RSRC1: variants seen among roughly 807,000 people sequenced by gnomAD.
RSRC1 encodes arginine and serine rich coiled-coil 1, also known as serine/Arginine-related protein 53.
A neutral mutation model predicts 49.1 loss-of-function variants in RSRC1; 39 were observed. The ratio of observed to expected loss-of-function variants is 0.79; its 90% CI spans 0.61 to 1.04. The LOEUF (loss-of-function observed/expected upper bound fraction) is 1.04. Among genes scored for constraint, RSRC1 ranks in the 50% least tolerant of loss-of-function variants. The probability of loss-of-function intolerance (pLI) is 0.00; values close to 1 mark genes in which losing one functional copy is unlikely to be tolerated. For missense variants in RSRC1, 388 were observed against 402.4 expected, an observed-to-expected ratio of 0.96 and a Z score of 0.31; for synonymous variants, 143 against 130.8, an observed-to-expected ratio of 1.09 and a Z score of -0.63.
At chr3:158,448,586 C>A (rs887246521) in intron 6 of RSRC1, among the ~76,000 whole-genome samples, 3 of 151,860 alleles carry the variant, frequency 2.0e-5, no homozygotes, top group Non-Finnish European at 4.4e-5. Flanking sequence ...GCTTATGGTT[C>A]TAGCAGAAAA....
chr3:158,379,732 T>C (rs1732592748), intron 6 of RSRC1, among the ~76,000 whole-genome samples: 1 of 147,686 alleles, frequency 6.8e-6, no homozygotes, highest in African/African-American at 2.4e-5. Flanking sequence ...GCTTACTCTC[T>C]TGCCTCCTTC....
At chr3:158,340,417 T>C (rs1003800690) in intron 5 of RSRC1, among the ~76,000 whole-genome samples, 1 of 152,134 alleles carries the variant, frequency 6.6e-6, no homozygotes, top group East Asian at 1.9e-4. Flanking sequence ...GGCATGCACC[T>C]GTAGTCCTAG....
intron 1 of RSRC1, among the ~76,000 whole-genome samples, chr3:158,121,626 A>T (rs557473233): frequency 6.6e-6 from 1 of 152,304 alleles, no homozygotes; most frequent in African/African-American, 2.4e-5. Flanking sequence ...AAAAAAATTC[A>T]ACTCTAAGAT....
intron 4 of RSRC1, among the ~76,000 whole-genome samples, chr3:158,243,111 G>A (rs1196161675): frequency 6.6e-6 from 1 of 152,138 alleles, no homozygotes; most frequent in Non-Finnish European, 1.5e-5. Context: ...TCTTTGTCAT[G>A]AAATCTTTGC....
intron 6 of RSRC1, among the ~76,000 whole-genome samples, chr3:158,434,918 T>C (rs539924287): frequency 1.3e-5 from 2 of 152,096 alleles, no homozygotes; most frequent in East Asian, 3.9e-4. Context: ...TGAAAGTACA[T>C]TCTGGAGTAA....
At chr3:158,129,880 C>G (rs1230384598) in intron 3 of RSRC1, among the ~76,000 whole-genome samples, 1 of 152,134 alleles carries the variant, frequency 6.6e-6, no homozygotes, top group Non-Finnish European at 1.5e-5. Context: ...GTATTGACAT[C>G]ATAGAATGTT....
intron 6 of RSRC1, among the ~76,000 whole-genome samples, chr3:158,421,151 G>A (rs571921067): frequency 6.6e-6 from 1 of 151,954 alleles, no homozygotes; most frequent in Non-Finnish European, 1.5e-5. Context: ...AGTCATATTA[G>A]AACCTTGGTA....
Position 158,318,913 on chromosome 3 carries a change from A to C in RSRC1, c.531+20838A>C, listed in dbSNP as rs576202350. 3.5e-4 allele frequency among the ~76,000 whole-genome samples: 54 copies of C among 152,290 alleles called. No individual in the cohort carries two copies. The South Asian group carries it at 0.01, about 29-fold the overall frequency. On this transcript the variant is annotated intron_variant, in intron 5 of 9. Coordinates refer to ENST00000611884, the MANE Select transcript of RSRC1 (RefSeq NM_001271838.2). ...TCTCTTTTCCTAGGACACATAAATAAGATTTGAAGTGGAGGAGGGCCTGGG... is the reference window on the plus strand; with the variant it reads ...TCTCTTTTCCTAGGACACATAAATACGATTTGAAGTGGAGGAGGGCCTGGG...
intron 4 of RSRC1, among the ~76,000 whole-genome samples, chr3:158,240,892 C>T (rs1429195915): frequency 6.6e-6 from 1 of 152,036 alleles, no homozygotes; most frequent in Non-Finnish European, 1.5e-5. Context: ...ATACAATATA[C>T]AATACAATAA....
chr3:158,543,135 G>A (rs1413022198), intron 8 of RSRC1, among the ~76,000 whole-genome samples, 200 bp from the exon 9 acceptor site: 1 of 151,474 alleles, frequency 6.6e-6, no homozygotes, highest in East Asian at 1.9e-4. Flanking sequence ...CCTAAATATA[G>A]TTATTCCTAA....
rs1420069105 is a variant in RSRC1 at position 158,537,217 on chromosome 3, A to G, written c.759+19A>G. The G allele has an allele frequency of 3.5e-6, 5 of 1,435,696 alleles. No homozygotes were observed. The highest frequency in any genetic ancestry group is 2.9e-5 in the African/African-American group (2 of 68,954). 88.9% of individuals were successfully genotyped at this position (1,435,696 alleles called of 1,614,324 possible). A position where few individuals can be genotyped will look rare whatever the true frequency, so the allele number is the denominator to read the frequency against. On this transcript the variant is annotated intron_variant, in intron 8 of 9. Transcript: ENST00000611884. ...CAAAAAGGTAAGTTTTTATCCACCC[A>G]TTATGAGTAAACCTTTGGATTCTAC...
At chr3:158,506,698 A>G (rs1474854101) in intron 7 of RSRC1, among the ~76,000 whole-genome samples, 1 of 151,778 alleles carries the variant, frequency 6.6e-6, no homozygotes, top group African/African-American at 2.4e-5. Flanking sequence ...GATGTAGACA[A>G]AAGGAAACCC....
intron 6 of RSRC1, among the ~76,000 whole-genome samples, chr3:158,359,066 G>T (rs1426123817): frequency 2.0e-5 from 3 of 151,932 alleles, no homozygotes; most frequent in Non-Finnish European, 4.4e-5. Flanking sequence ...GGTTTTTTAG[G>T]TGTATACCTA....
intron 3 of RSRC1, among the ~76,000 whole-genome samples, chr3:158,135,786 T>C (rs2108187488): frequency 6.6e-6 from 1 of 152,338 alleles, no homozygotes; most frequent in Non-Finnish European, 1.5e-5. Flanking sequence ...ATCTTTCCAA[T>C]GCTAGTCATA....
chr3:158,444,779 A>G (rs558528617), intron 6 of RSRC1, among the ~76,000 whole-genome samples: 109 of 152,344 alleles, frequency 7.2e-4, no homozygotes, highest in Admixed American at 9.2e-4. Context: ...GCTAATATCC[A>G]GAATCTACAA....
At chr3:158,355,917 A>G (rs1021381764) in intron 6 of RSRC1, among the ~76,000 whole-genome samples, 12 of 151,992 alleles carry the variant, frequency 7.9e-5, no homozygotes, top group Admixed American at 6.5e-4. Context: ...ACACACACAC[A>G]TATACACACG....
intron 5 of RSRC1, among the ~76,000 whole-genome samples, chr3:158,314,085 G>A (rs1728270094): frequency 1.3e-5 from 2 of 151,778 alleles, no homozygotes; most frequent in African/African-American, 4.8e-5. Flanking sequence ...ATTGAAAATT[G>A]TTGTTGTTGT....
At position 158,407,799 on chromosome 3, in the gene RSRC1, T is replaced by C. The variant is rs1277506947; in HGVS notation, c.583+52891T>C. On this transcript the variant is annotated intron_variant, in intron 6 of 9. Transcript: ENST00000611884. ...ACTTCTTTTATAGAATCTAAACTTA[T>C]ATTTGCATATTTTAGATTTTAAGAA... Among the ~76,000 whole-genome samples, 5 of 152,210 alleles carry C rather than the reference T, an allele frequency of 3.3e-5. No homozygotes were observed. The South Asian group carries it at 6.2e-4, about 19-fold the overall frequency.
At chr3:158,286,508 A>G (rs1455173432) in intron 4 of RSRC1, among the ~76,000 whole-genome samples, 1 of 152,206 alleles carries the variant, frequency 6.6e-6, no homozygotes, top group African/African-American at 2.4e-5. Flanking sequence ...TCACTTAGAC[A>G]AATACTATGA....
Sources: gnomAD v4.1 joint callset for allele counts (sites outside exome capture counted in the v4.1 genomes callset) on GRCh38, gnomAD v4.1.1 for gene constraint, MANE v1.5 for transcripts, NCBI Gene and HGNC (gene_info 2026-07-23, HGNC 2026-07-21) for gene names.